Variants in LRIF1 observed in about 807,000 individuals in gnomAD.
LRIF1 encodes ligand-dependent nuclear receptor-interacting factor 1.
LRIF1 carries 32 observed loss-of-function variants against 52.7 expected under a neutral mutation model. The ratio of observed to expected loss-of-function variants is 0.61; its 90% CI spans 0.46 to 0.82. The LOEUF (loss-of-function observed/expected upper bound fraction) is 0.82. LRIF1 is among the 40% of genes least tolerant of loss of function. The pLI, the probability that LRIF1 is intolerant of heterozygous loss-of-function variation, is 0.00. For synonymous variants in LRIF1, 323 were observed against 317.4 expected (o/e 1.02, Z -0.19); for missense variants, 887 against 892.0 (o/e 0.99, Z 0.07).
the LRIF1 span, chr1:110,899,286 T>G: frequency 3.3e-6 from 3 of 902,476 alleles, no homozygotes; most frequent in Non-Finnish European, 5.4e-6. Context: ...CACTGCAGGA[T>G]GATCCTCCTC....
the LRIF1 span, among the ~76,000 whole-genome samples, chr1:110,914,848 T>C: frequency 3.9e-5 from 6 of 152,224 alleles, no homozygotes; most frequent in Non-Finnish European, 5.9e-5. Flanking sequence ...GGAAACCTGA[T>C]TAACTGCTGG....
At chr1:110,949,157 T>C (rs1300979171) in intron 3 of LRIF1, among the ~76,000 whole-genome samples, 1 of 151,974 alleles carries the variant, frequency 6.6e-6, no homozygotes, top group Non-Finnish European at 1.5e-5. Flanking sequence ...TTCGTTCTGT[T>C]GCCAGACTGG....
the LRIF1 span, among the ~76,000 whole-genome samples, chr1:110,905,007 A>G: frequency 6.6e-6 from 1 of 152,224 alleles, no homozygotes; most frequent in Non-Finnish European, 1.5e-5. Flanking sequence ...AATGCTTCAG[A>G]ATCTTTTAGT....
chr1:110,944,054 A>C (rs1048810519), downstream of LRIF1: 5 of 152,212 alleles, frequency 3.3e-5, no homozygotes, highest in African/African-American at 1.2e-4. Context: ...GATCACTCTG[A>C]CTGTTTTACT....
intron 1 of LRIF1, among the ~76,000 whole-genome samples, chr1:110,958,463 G>GAGGAA (rs1553211554): frequency 3.3e-5 from 5 of 152,100 alleles, no homozygotes. Context: ...TTTTTAAAAT[G>GAGGAA]AGTATTGTTT....
At chr1:110,906,550 G>T in the LRIF1 span, among the ~76,000 whole-genome samples, 2 of 152,070 alleles carry the variant, frequency 1.3e-5, no homozygotes, top group South Asian at 4.2e-4. Context: ...TCTCAAAAGA[G>T]AGACAGAGAA....
chr1:110,901,624 C>T, the LRIF1 span, among the ~76,000 whole-genome samples: 1 of 151,892 alleles, frequency 6.6e-6, no homozygotes, highest in Non-Finnish European at 1.5e-5. Context: ...TACAGGTGCA[C>T]ACCACCAAGC....
At chr1:110,894,401 G>GTC in the LRIF1 span, 7 of 1,611,568 alleles carry the variant, frequency 4.3e-6, no homozygotes, top group Non-Finnish European at 5.9e-6. Flanking sequence ...ATGAACAGAA[G>GTC]GTAAGTTATA....
Position 110,951,912 on chromosome 1 carries a change from C to G in LRIF1, c.972G>C (p.Arg324Ser), listed in dbSNP as rs767072081. Residue 324 changes from arginine to serine, a missense_variant, in exon 2 of 4, where the codon AGG (arginine) becomes AGC (serine). Transcript: ENST00000369763. ...TTATAGTATTATCTCCCAAATTTTT[C>G]CTATCTACAAAAGTTTTTAAAATCT... The part of the protein sequence containing the change: ...ASKILKTFVD[R>S]KNLGDNTINM... 3.7e-6 allele frequency: 6 copies of G among 1,613,980 alleles called. No homozygotes were observed. Among genetic ancestry groups the G allele is most frequent in the Non-Finnish European group, 5.1e-6 (6 of 1,179,952 alleles).
chr1:110,956,040 G>A lies in LRIF1; in HGVS notation c.69-3225C>T, dbSNP rs147914797. 1.3e-3 allele frequency among the ~76,000 whole-genome samples: 202 copies of A among 152,324 alleles called. 1 individual carries two copies. The highest frequency in any genetic ancestry group is 6.8e-3 in the Middle Eastern group (2 of 294). ...GGTAAGCATACAACTTTGGGGTTAG[G>A]AGGCTGAGGTAATTCTCATTTAATG... On this transcript the variant is annotated intron_variant, in intron 1 of 3. Transcript: ENST00000369763.
intron 1 of LRIF1, among the ~76,000 whole-genome samples, chr1:110,960,489 A>C (rs1384441760): frequency 6.6e-6 from 1 of 152,226 alleles, no homozygotes; most frequent in Non-Finnish European, 1.5e-5. Context: ...GGTTATGGGA[A>C]GATAGCTGCC....
chr1:110,886,869 A>ATATATTTTTTTTT, the LRIF1 span, among the ~76,000 whole-genome samples: 2 of 82,786 alleles, frequency 2.4e-5, no homozygotes, highest in African/African-American at 5.3e-5. Context: ...ATATATATAT[A>ATATATTTTTTTTT]TTTTTTTTTT....
chr1:110,959,506 C>A (rs760975449), intron 1 of LRIF1, among the ~76,000 whole-genome samples: 49 of 151,872 alleles, frequency 3.2e-4, no homozygotes, highest in Non-Finnish European at 5.7e-4. Context: ...AATCCCAGCA[C>A]CTTGGGAGGC....
intron 1 of LRIF1, among the ~76,000 whole-genome samples, chr1:110,958,712 T>A (rs1197660929): frequency 6.6e-6 from 1 of 152,188 alleles, no homozygotes; most frequent in African/African-American, 2.4e-5. Flanking sequence ...TGTCAGTGTA[T>A]CAGTGAGAGT....
chr1:110,907,516 G>A, the LRIF1 span, among the ~76,000 whole-genome samples: 5 of 152,006 alleles, frequency 3.3e-5, no homozygotes, highest in African/African-American at 7.3e-5. Flanking sequence ...TTGGGAGGCC[G>A]AGGTCAGGAG....
the LRIF1 span, among the ~76,000 whole-genome samples, chr1:110,913,271 T>A: frequency 6.6e-6 from 1 of 152,174 alleles, no homozygotes; most frequent in African/African-American, 2.4e-5. Flanking sequence ...TTGGCAAAGA[T>A]TTCATGATAA....
chr1:110,949,873 AC>A lies in LRIF1; in HGVS notation c.1846del (p.Val616Ter). The A allele has an allele frequency of 6.2e-7, 1 of 1,613,760 alleles. No homozygotes were observed. Among genetic ancestry groups the A allele is most frequent in the East Asian group, 2.2e-5 (1 of 44,856 alleles). ...SGTYKETEFM[V>X]KEGERKQQNF... Reference sequence around the variant, plus strand: ...TACCTGTTTTCTCTCTCCTTCCTTCACCATAAACTCTGTCTCTTTGTAAGTA... The same window carrying A: ...TACCTGTTTTCTCTCTCCTTCCTTCACATAAACTCTGTCTCTTTGTAAGTA... On this transcript the variant is annotated frameshift_variant, in exon 3 of 4. Transcript: ENST00000369763. LOFTEE classifies it low-confidence loss of function (END_TRUNC).
the LRIF1 span, chr1:110,899,264 G>T: frequency 3.6e-6 from 4 of 1,107,268 alleles, no homozygotes; most frequent in East Asian, 9.4e-5. Context: ...ATAGCATGAA[G>T]CCCTACATGA....
Position 110,952,783 on chromosome 1 carries a change from G to A in LRIF1, c.101C>T (p.Thr34Met), listed in dbSNP as rs772163079. The change falls in exon 2 of 4, where the codon ACG becomes ATG. Residue 34 changes from threonine (T) to methionine (M), a missense_variant. Thr to Met is a moderately conservative substitution (Grantham distance 81). Transcript: ENST00000369763. ...VSGCMYQVVQ[T>M]IGSDGKNLLQ... is the part of the protein sequence containing the mutation. ...AAGATTTTTTCCATCCGAGCCAATC[G>A]TCTGAACTACTTGGTACATGCAGCC... 1.2e-6 allele frequency: 2 copies of A among 1,610,572 alleles called. No homozygotes were observed. Among genetic ancestry groups the A allele is most frequent in the East Asian group, 2.2e-5 (1 of 44,800 alleles).
Sources: allele counts gnomAD v4.1 joint callset (sites outside exome capture counted in the v4.1 genomes callset), GRCh38; gene constraint gnomAD v4.1.1; transcripts MANE v1.5; gene names NCBI Gene and HGNC (gene_info 2026-07-23, HGNC 2026-07-21).